EIF3A: variants seen among roughly 807,000 people sequenced by gnomAD.
EIF3A encodes the protein EIF3, p180 subunit.
In EIF3A, 21 loss-of-function variants were observed where a neutral mutation model predicts 186.6. The ratio of observed to expected loss-of-function variants is 0.11; its 90% CI spans 0.08 to 0.16. The LOEUF (loss-of-function observed/expected upper bound fraction) is 0.16, where lower values mean the gene tolerates loss of function less well. Among genes scored for constraint, EIF3A ranks in the 10% least tolerant of loss-of-function variants. The probability of loss-of-function intolerance (pLI) is 1.00; values close to 1 mark genes in which losing one functional copy is unlikely to be tolerated. For synonymous variants in EIF3A, 563 were observed against 584.3 expected (o/e 0.96, Z 0.52); for missense variants, 1,306 against 1,796.3 (o/e 0.73, Z 4.93).
At chr10:119,050,234 C>T (rs1392421519) in intron 16 of EIF3A, among the ~76,000 whole-genome samples, 1 of 152,154 alleles carries the variant, frequency 6.6e-6, no homozygotes, top group East Asian at 1.9e-4. Context: ...GATATAGCAT[C>T]ATTTAACAGC....
rs1848350051 is a variant in EIF3A, at chr10:119,051,113, G to A, written c.2319+86C>T. 15 of 1,205,142 alleles carry A rather than the reference G, an allele frequency of 1.2e-5. No homozygotes were observed. In the South Asian group the frequency reaches 2.3e-4, roughly 18 times the overall value. The allele number at this position is 1,205,142 out of a possible 1,614,324, so 74.7% of individuals were successfully genotyped here. A position where few individuals can be genotyped will look rare whatever the true frequency, so the allele number is the denominator to read the frequency against. ...CCGTTACACATAGTAACTCAATAAA[G>A]AATATACCAATTTGTTAAGGGAGAA... On this transcript the variant is annotated intron_variant, in intron 15 of 21. Transcript: ENST00000369144.
intron 17 of EIF3A, among the ~76,000 whole-genome samples, chr10:119,048,606 GACC>G (rs962466387): frequency 6.6e-6 from 1 of 152,000 alleles, no homozygotes; most frequent in Non-Finnish European, 1.5e-5. Context: ...GACAGCTGCT[GACC>G]ACCAAACATG....
At chr10:119,039,511 A>G (rs1848179756) in intron 19 of EIF3A, among the ~76,000 whole-genome samples, 1 of 152,070 alleles carries the variant, frequency 6.6e-6, no homozygotes, top group Admixed American at 6.5e-5. Flanking sequence ...TCTCTACAAA[A>G]AAATACAAAA....
intron 7 of EIF3A, among the ~76,000 whole-genome samples, chr10:119,064,186 T>G (rs1361527533): frequency 6.6e-6 from 1 of 152,218 alleles, no homozygotes; most frequent in Non-Finnish European, 1.5e-5. Flanking sequence ...CACATACAAT[T>G]TCACTGAATA....
intron 6 of EIF3A, among the ~76,000 whole-genome samples, chr10:119,068,692 C>A (rs537852014): frequency 4.0e-5 from 6 of 149,610 alleles, no homozygotes; most frequent in Admixed American, 2.0e-4. Flanking sequence ...AAATAAAATA[C>A]AAGTCAGGCG....
chr10:119,046,206 T>A (rs914178018), intron 17 of EIF3A, among the ~76,000 whole-genome samples: 28 of 152,166 alleles, frequency 1.8e-4, no homozygotes, highest in African/African-American at 6.8e-4. Context: ...TTCCGAGGAA[T>A]GAAACAGTAT....
intron 1 of EIF3A, among the ~76,000 whole-genome samples, chr10:119,078,926 A>T (rs1246432055): frequency 1.3e-5 from 2 of 152,170 alleles, no homozygotes; most frequent in Non-Finnish European, 2.9e-5. Flanking sequence ...GGCCATTATA[A>T]TGCTTTGGCC....
intron 6 of EIF3A, among the ~76,000 whole-genome samples, chr10:119,068,581 C>G (rs1324860144): frequency 6.6e-6 from 1 of 152,090 alleles, no homozygotes; most frequent in East Asian, 1.9e-4. Flanking sequence ...GAAGCTGAGG[C>G]AGGAGAATTG....
chr10:119,067,974 C>A (rs1387144103), intron 6 of EIF3A, among the ~76,000 whole-genome samples: 1 of 152,148 alleles, frequency 6.6e-6, no homozygotes, highest in African/African-American at 2.4e-5. Flanking sequence ...CCACACCCAG[C>A]TGATTTTTGT....
intron 1 of EIF3A, among the ~76,000 whole-genome samples, chr10:119,077,402 G>A (rs1175104777): frequency 6.6e-6 from 1 of 152,094 alleles, no homozygotes; most frequent in Non-Finnish European, 1.5e-5. Context: ...AGTGGGCCGA[G>A]ATAGTGCCAC....
chr10:119,068,840 G>C (rs1844023859), intron 6 of EIF3A, among the ~76,000 whole-genome samples: 1 of 151,524 alleles, frequency 6.6e-6, no homozygotes, highest in African/African-American at 2.4e-5. Context: ...GGGCATGGTG[G>C]TGGGTGCCTG....
chr10:119,057,944 G>A lies in EIF3A; in HGVS notation c.1977+12C>T. The A allele has an allele frequency of 6.3e-7, 1 of 1,597,372 alleles. No individual in the cohort carries two copies. The highest frequency in any genetic ancestry group is 8.5e-7 in the Non-Finnish European group (1 of 1,170,562). On this transcript the variant is annotated intron_variant, in intron 12 of 21. Coordinates refer to ENST00000369144, the MANE Select transcript of EIF3A (RefSeq NM_003750.4). Reference sequence around the variant, plus strand: ...ATAAAACTAATTTTTTAATAACTAAGATGCTACGTACTTCAATATCAATAT... The same window carrying A: ...ATAAAACTAATTTTTTAATAACTAAAATGCTACGTACTTCAATATCAATAT...
rs770481796 is a variant in EIF3A at position 119,036,150 on chromosome 10, T to G, written c.4038A>C (p.Glu1346Asp). 9 of 1,613,816 alleles carry G rather than the reference T, an allele frequency of 5.6e-6. No homozygotes were observed. In the Admixed American group the frequency reaches 1.3e-4, roughly 24 times the overall value. ...SRDRERDRDR[E>D]REGEKEKASW... Reference sequence around the variant, plus strand: ...AGGCCTTCTCTTTTTCACCTTCTCTTTCTCGGTCTCGGTCTCTTTCTCGGT... The same window carrying G: ...AGGCCTTCTCTTTTTCACCTTCTCTGTCTCGGTCTCGGTCTCTTTCTCGGT... Residue 1346 changes from glutamate (E) to aspartate (D), a missense_variant, in exon 22 of 22, where the codon GAA becomes GAC. Physicochemically the swap from Glu to Asp is conservative, Grantham distance 45. Around this residue, in one of 8 missense-constraint regions of EIF3A, gnomAD observed 331 missense variants for 365.8 expected, o/e 0.90. Transcript: ENST00000369144.
Position 119,073,741 on chromosome 10 carries a change from T to A in EIF3A, c.240+6A>T. 1 of 1,591,096 alleles carries A rather than the reference T, an allele frequency of 6.3e-7. No homozygotes were observed. The highest frequency in any genetic ancestry group is 8.6e-7 in the Non-Finnish European group (1 of 1,169,190). ...TTAAAAATATACAACCCAGTTCCGT[T>A]TGTACCTGTTGACAAATGTTCTTAT... is the stretch of plus-strand genomic sequence containing the variant. On this transcript the variant is annotated splice_donor_region_variant and intron_variant, in intron 2 of 21. Coordinates refer to ENST00000369144, the MANE Select transcript of EIF3A (RefSeq NM_003750.4).
Position 119,035,614 on chromosome 10 carries a change from TCA to T in EIF3A, c.*423_*424del, listed in dbSNP as rs1215212190. 2 of 157,872 alleles carry T rather than the reference TCA, an allele frequency of 1.3e-5. No individual in the cohort carries two copies. The highest frequency in any genetic ancestry group is 2.8e-5 in the Non-Finnish European group (2 of 71,268). The allele number at this position is 157,872 out of a possible 1,614,324, so 9.8% of individuals were successfully genotyped here. On this transcript the variant is annotated 3_prime_UTR_variant, in exon 22 of 22. Transcript: ENST00000369144. ...ACCACTTAAGGGTGTGAAAATTGTT[TCA>T]GATTCACTGCTTTAAAGGGTCTTCA...
intron 17 of EIF3A, among the ~76,000 whole-genome samples, chr10:119,044,581 G>T (rs1300587329): frequency 6.6e-6 from 1 of 152,224 alleles, no homozygotes; most frequent in African/African-American, 2.4e-5. Context: ...GGGCGCGGTG[G>T]CTCACGCCTG....
At chr10:119,080,414 G>A (rs1844245484) in intron 1 of EIF3A, 2 of 985,466 alleles carry the variant, frequency 2.0e-6, no homozygotes, top group Non-Finnish European at 2.4e-6. Flanking sequence ...GGCCCCTGGG[G>A]CGACGGTTCC....
At chr10:119,072,024 C>CAAAAAAAA in intron 4 of EIF3A, among the ~76,000 whole-genome samples, 16 of 59,426 alleles carry the variant, frequency 2.7e-4, no homozygotes, top group African/African-American at 6.6e-4. Context: ...GACTCTGTCT[C>CAAAAAAAA]AAAAAAAAAA....
At chr10:119,039,006 G>T (rs762569053) in intron 19 of EIF3A, among the ~76,000 whole-genome samples, 2 of 152,122 alleles carry the variant, frequency 1.3e-5, no homozygotes, top group Non-Finnish European at 2.9e-5. Flanking sequence ...AAGTATCACT[G>T]AAAATTTTAG....
Sources: gnomAD v4.1 joint callset for allele counts (sites outside exome capture counted in the v4.1 genomes callset) on GRCh38, gnomAD v4.1.1 for gene constraint, gnomAD v4.1.1 regional missense constraint, MANE v1.5 for transcripts, NCBI Gene and HGNC (gene_info 2026-07-23, HGNC 2026-07-21) for gene names.